Variants in NEK7 observed in about 807,000 individuals in gnomAD.
NEK7 encodes serine/threonine-protein kinase Nek7.
In NEK7, 18 loss-of-function variants were observed where a neutral mutation model predicts 44.6. That is an observed-to-expected ratio of 0.40 (90% CI 0.28 to 0.60). The LOEUF (loss-of-function observed/expected upper bound fraction) is 0.60, where lower values mean the gene tolerates loss of function less well. Ranked by LOEUF, NEK7 falls within the 20% of genes least tolerant of loss-of-function variation. NEK7 has a pLI of 0.38. For synonymous variants in NEK7, 130 were observed against 121.1 expected (o/e 1.07, Z -0.48); for missense variants, 256 against 366.5 (o/e 0.70, Z 2.46).
intron 7 of NEK7, among the ~76,000 whole-genome samples, chr1:198,279,912 G>A (rs930093370): frequency 5.3e-5 from 8 of 152,020 alleles, no homozygotes; most frequent in South Asian, 2.1e-4. Context: ...TACCTAAAAC[G>A]TAAGTAGGTA....
At chr1:198,249,638 T>C (rs573943811) in intron 2 of NEK7, among the ~76,000 whole-genome samples, 53 of 152,052 alleles carry the variant, frequency 3.5e-4, no homozygotes, top group African/African-American at 1.2e-3. Context: ...TGATGGCCAG[T>C]GATGGTGAGC....
rs1249575426 is a variant in NEK7 at position 198,215,097 on chromosome 1, G to A, written c.-28-17456G>A. Reference sequence around the variant, plus strand: ...GCAAAACTAGTTTTTATAAATGAAGGAGAAAGTCTTTCTCAGACACACAAA... The same window carrying A: ...GCAAAACTAGTTTTTATAAATGAAGAAGAAAGTCTTTCTCAGACACACAAA... On this transcript the variant is annotated intron_variant, in intron 1 of 9. Transcript: ENST00000367385. Among the ~76,000 whole-genome samples the A allele has an allele frequency of 2.6e-5, 4 of 152,052 alleles. No homozygotes were observed. The East Asian group carries it at 7.7e-4, about 29-fold the overall frequency.
Position 198,320,007 on chromosome 1 carries a change from C to T in NEK7, c.*485C>T, listed in dbSNP as rs1267315106. 6.6e-6 allele frequency: 1 copy of T among 152,128 alleles called. No individual in the cohort carries two copies. The highest frequency in any genetic ancestry group is 2.4e-5 in the African/African-American group (1 of 41,408). The allele number at this position is 152,128 out of a possible 1,614,324, so 9.4% of individuals were successfully genotyped here. A position where few individuals can be genotyped will look rare whatever the true frequency, so the allele number is the denominator to read the frequency against. On this transcript the variant is annotated 3_prime_UTR_variant, in exon 10 of 10. Transcript: ENST00000367385. ...AACGTTTGAAGTACTAGTTTTAGTT[C>T]TTAGCAGAGTAGTTTTCAAATATGA...
At chr1:198,286,467 C>T (rs901461719) in intron 7 of NEK7, among the ~76,000 whole-genome samples, 1 of 150,544 alleles carries the variant, frequency 6.6e-6, no homozygotes, top group Non-Finnish European at 1.5e-5. Flanking sequence ...CTTACCCCCT[C>T]GGTCCTTATG....
chr1:198,306,049 C>T (rs1398012154), intron 9 of NEK7, among the ~76,000 whole-genome samples: 1 of 152,120 alleles, frequency 6.6e-6, no homozygotes, highest in African/African-American at 2.4e-5. Context: ...GGCTTTGCCC[C>T]TTATGCCTTT....
At chr1:198,201,942 A>G (rs1270934623) in intron 1 of NEK7, among the ~76,000 whole-genome samples, 1 of 152,240 alleles carries the variant, frequency 6.6e-6, no homozygotes, top group Non-Finnish European at 1.5e-5. Context: ...TTGTTCAGCA[A>G]TGGCTTTTAA....
At chr1:198,194,800 T>C (rs570100520) in intron 1 of NEK7, among the ~76,000 whole-genome samples, 4 of 152,210 alleles carry the variant, frequency 2.6e-5, no homozygotes, top group Non-Finnish European at 4.4e-5. Context: ...GTCTTTATGA[T>C]AGAACAATTT....
At chr1:198,316,516 T>C (rs1303494129) in intron 9 of NEK7, among the ~76,000 whole-genome samples, 2 of 152,138 alleles carry the variant, frequency 1.3e-5, no homozygotes, top group Non-Finnish European at 2.9e-5. Flanking sequence ...AGGAAAGTAA[T>C]TATTTCCTCC....
intron 7 of NEK7, among the ~76,000 whole-genome samples, chr1:198,280,386 C>T (rs1163481341): frequency 6.6e-6 from 1 of 152,070 alleles, no homozygotes; most frequent in Non-Finnish European, 1.5e-5. Flanking sequence ...CAATTACACA[C>T]ACACACCTGC....
At chr1:198,257,415 A>T (rs924136196) in intron 3 of NEK7, among the ~76,000 whole-genome samples, 1 of 152,200 alleles carries the variant, frequency 6.6e-6, no homozygotes, top group South Asian at 2.1e-4. Context: ...GCATATAATT[A>T]GAAATTAGGA....
intron 2 of NEK7, among the ~76,000 whole-genome samples, chr1:198,243,723 G>A (rs957886484): frequency 1.3e-5 from 2 of 152,056 alleles, no homozygotes; most frequent in Non-Finnish European, 2.9e-5. Flanking sequence ...ATAAAAGGCC[G>A]GTTTTAATGA....
At chr1:198,274,866 T>C (rs1236930057) in intron 5 of NEK7, among the ~76,000 whole-genome samples, 2 of 151,736 alleles carry the variant, frequency 1.3e-5, no homozygotes, top group African/African-American at 4.8e-5. Context: ...GTGACTATTT[T>C]CCCAAAATCT....
At chr1:198,217,882 C>T (rs2102835931) in intron 1 of NEK7, among the ~76,000 whole-genome samples, 1 of 145,700 alleles carries the variant, frequency 6.9e-6, no homozygotes, top group Middle Eastern at 3.6e-3. Context: ...ATATACTTAA[C>T]CAAGTAGGTG....
chr1:198,247,163 A>G (rs114142456), intron 2 of NEK7, among the ~76,000 whole-genome samples: 1,588 of 152,330 alleles, frequency 0.01, 7 homozygotes, highest in Non-Finnish European at 0.017. Context: ...CATCATGGCA[A>G]GTTATCTCCC....
At chr1:198,211,864 T>G (rs1270153553) in intron 1 of NEK7, among the ~76,000 whole-genome samples, 4 of 152,284 alleles carry the variant, frequency 2.6e-5, no homozygotes, top group Non-Finnish European at 2.9e-5. Context: ...ACCACAGACC[T>G]TTTGAAAGAC....
At chr1:198,317,882 T>TTTTA (rs1655418121) in intron 9 of NEK7, among the ~76,000 whole-genome samples, 1 of 133,894 alleles carries the variant, frequency 7.5e-6, no homozygotes. Context: ...TATTTATTTT[T>TTTTA]TTTTTTTTTT....
intron 1 of NEK7, among the ~76,000 whole-genome samples, chr1:198,226,005 G>C (rs758884765): frequency 3.3e-5 from 5 of 151,984 alleles, no homozygotes; most frequent in Non-Finnish European, 5.9e-5. Flanking sequence ...CACCTATTTT[G>C]TACCAGGTAT....
At chr1:198,168,388 C>A (rs1664331944) in intron 1 of NEK7, among the ~76,000 whole-genome samples, 1 of 152,104 alleles carries the variant, frequency 6.6e-6, no homozygotes, top group South Asian at 2.1e-4. Flanking sequence ...GGCAGTACTA[C>A]CATTCCTAGG....
At chr1:198,163,113 G>A (rs1011958957) in intron 1 of NEK7, among the ~76,000 whole-genome samples, 4 of 152,056 alleles carry the variant, frequency 2.6e-5, no homozygotes, top group Admixed American at 1.3e-4. Context: ...TTGAATAGAT[G>A]TGTTTATGAA....
Sources: allele counts gnomAD v4.1 joint callset (sites outside exome capture counted in the v4.1 genomes callset), GRCh38; gene constraint gnomAD v4.1.1; transcripts MANE v1.5; gene names NCBI Gene and HGNC (gene_info 2026-07-23, HGNC 2026-07-21).